PCDHA2: variants seen among roughly 807,000 people sequenced by gnomAD.
PCDHA2 encodes protocadherin alpha-2.
In PCDHA2, 58 loss-of-function variants were observed where a neutral mutation model predicts 66.0. The observed-to-expected ratio is 0.88, with a 90% CI of 0.71 to 1.09. The LOEUF (loss-of-function observed/expected upper bound fraction) is 1.09. Ranked by LOEUF, PCDHA2 falls within the 50% of genes least tolerant of loss-of-function variation. The pLI is 0.00. For synonymous variants in PCDHA2, 634 were observed against 554.0 expected, an observed-to-expected ratio of 1.14 and a Z score of -2.03; for missense variants, 1,267 against 1,242.3, an observed-to-expected ratio of 1.02 and a Z score of -0.30.
At position 140,916,114 on chromosome 5, in the gene PCDHA2, G is replaced by A. The variant is rs533496476; in HGVS notation, c.2389-62835G>A. On this transcript the variant is annotated intron_variant, in intron 1 of 3. Transcript: ENST00000526136. ...GGGAATCTGCCTGGCCACTGCTGAT[G>A]TTCACTTAAAGCTTAAGGGCTGTTC... 5.9e-5 allele frequency among the ~76,000 whole-genome samples: 9 copies of A among 152,238 alleles called. No homozygotes were observed. In the East Asian group the frequency reaches 1.7e-3, roughly 29 times the overall value.
chr5:140,867,042 G>A (rs782113838), intron 1 of PCDHA2: 4 of 152,084 alleles, frequency 2.6e-5, no homozygotes, highest in Non-Finnish European at 4.4e-5. Flanking sequence ...ATGACTTGGC[G>A]TTTGTTCAGT....
intron 1 of PCDHA2, chr5:140,871,557 T>C (rs2053187983): frequency 1.3e-6 from 2 of 1,489,740 alleles, no homozygotes. Flanking sequence ...AATCCAGTTT[T>C]TTTTCACGGA....
chr5:140,836,467 A>G, intron 1 of PCDHA2: 1 of 1,613,806 alleles, frequency 6.2e-7, no homozygotes, highest in East Asian at 2.2e-5. Context: ...GAGCTGGTGG[A>G]TGTCAACGTG....
At chr5:140,937,739 C>T (rs1563162684) in intron 1 of PCDHA2, among the ~76,000 whole-genome samples, 1 of 151,716 alleles carries the variant, frequency 6.6e-6, no homozygotes, top group African/African-American at 2.4e-5. Context: ...GGTGAAACCC[C>T]GTCTCTACTA....
intron 1 of PCDHA2, chr5:140,809,454 C>G: frequency 1.9e-6 from 3 of 1,614,194 alleles, no homozygotes; most frequent in African/African-American, 2.7e-5. Context: ...CAGAGGAGGC[C>G]GAGGGTGTGC....
intron 1 of PCDHA2, among the ~76,000 whole-genome samples, chr5:140,934,122 TATTA>T (rs2153618298): frequency 6.6e-6 from 1 of 152,300 alleles, no homozygotes; most frequent in East Asian, 1.9e-4. Flanking sequence ...TTTCATACTT[TATTA>T]ATTTATTTCC....
rs2150224520 is a variant in PCDHA2 at position 140,834,696 on chromosome 5, C to T, written c.2388+37344C>T. 3 of 1,614,242 alleles carry T rather than the reference C, an allele frequency of 1.9e-6. No homozygotes were observed. In the South Asian group the frequency reaches 3.3e-5, roughly 18 times the overall value. On this transcript the variant is annotated intron_variant, in intron 1 of 3. Transcript: ENST00000526136. The stretch of plus-strand genomic sequence containing the variant: ...CGGGCGGAGCGCGGAGTGCAGCATC[C>T]ACCTGGAGGTGATCGTGGAAAGGCC...
rs1464705038 is a variant in PCDHA2 at position 140,883,214 on chromosome 5, T to C, written c.2388+85862T>C. 4.3e-6 allele frequency: 7 copies of C among 1,613,892 alleles called. No individual in the cohort carries two copies. The highest frequency in any genetic ancestry group is 5.9e-6 in the Non-Finnish European group (7 of 1,180,024). The stretch of plus-strand genomic sequence containing the variant: ...ACTAGATTTCGAAGAAAAGAAATTA[T>C]ATGAAATATCCGTGGAGGCAGTTGA... On this transcript the variant is annotated intron_variant, in intron 1 of 3. Coordinates refer to ENST00000526136, the MANE Select transcript of PCDHA2 (RefSeq NM_018905.3).
intron 3 of PCDHA2, among the ~76,000 whole-genome samples, chr5:140,983,637 T>G (rs1306208906): frequency 6.6e-6 from 1 of 152,232 alleles, no homozygotes; most frequent in Non-Finnish European, 1.5e-5. Context: ...TGTACCCAAG[T>G]TCACGTAGCT....
intron 1 of PCDHA2, chr5:140,822,809 A>G: frequency 1.9e-6 from 3 of 1,614,196 alleles, no homozygotes; most frequent in Non-Finnish European, 2.5e-6. Flanking sequence ...GTGAATGATA[A>G]TACCCCAGAG....
chr5:140,863,257 C>G (rs1158491669), intron 1 of PCDHA2: 1 of 1,442,346 alleles, frequency 6.9e-7, no homozygotes, highest in Non-Finnish European at 9.4e-7. Context: ...CGTCGAGGTC[C>G]GGGAGGCAGC....
At chr5:140,809,043 G>A (rs1311161177) in intron 1 of PCDHA2, 1 of 1,613,854 alleles carries the variant, frequency 6.2e-7, no homozygotes, top group Non-Finnish European at 8.5e-7. Context: ...GGTGGCGCGC[G>A]CATCCCGTTC....
At chr5:140,811,968 G>A (rs2126633467) in intron 1 of PCDHA2, 8 of 150,734 alleles carry the variant, frequency 5.3e-5, no homozygotes, top group Non-Finnish European at 7.4e-5. Context: ...CACTCTGATT[G>A]TAGTTTCTTT....
At chr5:140,957,912 T>A (rs570961362) in intron 1 of PCDHA2, among the ~76,000 whole-genome samples, 1 of 152,256 alleles carries the variant, frequency 6.6e-6, no homozygotes, top group Non-Finnish European at 1.5e-5. Context: ...CATATTGTTA[T>A]CTATGTATCA....
At chr5:140,907,411 GA>G (rs1435126945) in intron 1 of PCDHA2, among the ~76,000 whole-genome samples, 1 of 152,192 alleles carries the variant, frequency 6.6e-6, no homozygotes, top group Non-Finnish European at 1.5e-5. Flanking sequence ...GGAATACCAC[GA>G]TGGTGGATAA....
intron 1 of PCDHA2, chr5:140,824,627 T>TTTTTTG (rs1554130003): frequency 3.7e-5 from 5 of 134,070 alleles, no homozygotes; most frequent in African/African-American, 1.6e-4. Flanking sequence ...TTTTTTTTTT[T>TTTTTTG]TTTTTATTTT....
At chr5:140,812,894 A>G (rs1765195781) in intron 1 of PCDHA2, 1 of 152,312 alleles carries the variant, frequency 6.6e-6, no homozygotes, top group African/African-American at 2.4e-5. Context: ...TGAAATTTTG[A>G]ACAGAATTTC....
rs1359473362 is a variant in PCDHA2, at chr5:140,796,752, A to T, written c.1788A>T (p.Ala596=). 7 of 1,614,000 alleles carry T rather than the reference A, an allele frequency of 4.3e-6. No homozygotes were observed. The highest frequency in any genetic ancestry group is 5.9e-6 in the Non-Finnish European group (7 of 1,179,974). ...GAGHVVAKVR[A]VDADSGYNAW... ...GGCACGTGGTGGCGAAGGTGCGCGCAGTGGACGCTGACTCAGGCTACAACG... is the reference window on the plus strand; with the variant it reads ...GGCACGTGGTGGCGAAGGTGCGCGCTGTGGACGCTGACTCAGGCTACAACG... The change falls in exon 1 of 4, where the codon GCA becomes GCT. Residue 596 remains alanine (A), a synonymous_variant. Coordinates refer to ENST00000526136, the MANE Select transcript of PCDHA2 (RefSeq NM_018905.3).
chr5:140,882,708 C>T, intron 1 of PCDHA2: 2 of 1,614,174 alleles, frequency 1.2e-6, no homozygotes, highest in Non-Finnish European at 1.7e-6. Flanking sequence ...GAATCTAGAC[C>T]TCCGGAAACT....
Sources: allele counts gnomAD v4.1 joint callset (sites outside exome capture counted in the v4.1 genomes callset), GRCh38; gene constraint gnomAD v4.1.1; transcripts MANE v1.5; gene names NCBI Gene and HGNC (gene_info 2026-07-23, HGNC 2026-07-21).